ARHGAP32: variants seen among roughly 807,000 people sequenced by gnomAD.
The protein encoded by ARHGAP32 is rho GTPase-activating protein 32.
ARHGAP32 carries 51 observed loss-of-function variants against 186.5 expected under a neutral mutation model. The ratio of observed to expected loss-of-function variants is 0.27; its 90% CI spans 0.22 to 0.35. ARHGAP32 has a LOEUF of 0.35. Ranked by LOEUF, ARHGAP32 falls within the 10% of genes least tolerant of loss-of-function variation. The probability of loss-of-function intolerance (pLI) is 1.00; values close to 1 mark genes in which losing one functional copy is unlikely to be tolerated. For missense variants in ARHGAP32, 2,186 were observed against 2,623.5 expected (o/e 0.83, Z 3.64); for synonymous variants, 950 against 964.3 (o/e 0.99, Z 0.27).
chr11:129,173,312 T>C (rs562287410), intron 1 of ARHGAP32, among the ~76,000 whole-genome samples: 25 of 143,104 alleles, frequency 1.7e-4, no homozygotes, highest in African/African-American at 6.6e-4. Context: ...ATTGAGGCAG[T>C]AATTAATAGA....
chr11:129,220,744 T>G (rs144923267), intron 1 of ARHGAP32, among the ~76,000 whole-genome samples: 45 of 152,338 alleles, frequency 3.0e-4, no homozygotes, highest in Non-Finnish European at 5.9e-4. Context: ...TAAGAACTTG[T>G]AGGTGATTCT....
intron 11 of ARHGAP32, among the ~76,000 whole-genome samples, chr11:129,023,626 C>CA (rs1938697554): frequency 6.6e-6 from 1 of 152,090 alleles, no homozygotes; most frequent in Non-Finnish European, 1.5e-5. Context: ...CGACTGGGAA[C>CA]ATCTGTGTTG....
At chr11:129,102,753 T>C (rs1334558661) in intron 5 of ARHGAP32, among the ~76,000 whole-genome samples, 2 of 152,130 alleles carry the variant, frequency 1.3e-5, no homozygotes, top group African/African-American at 4.8e-5. Context: ...CCCTTGTACA[T>C]TGTTGGTGGT....
intron 1 of ARHGAP32, among the ~76,000 whole-genome samples, chr11:129,249,438 A>G (rs1348306809): frequency 6.6e-6 from 1 of 152,216 alleles, no homozygotes; most frequent in Non-Finnish European, 1.5e-5. Context: ...TGGTATTAAT[A>G]CTGAGATTTT....
At chr11:129,127,314 A>G (rs1942685537) in intron 2 of ARHGAP32, among the ~76,000 whole-genome samples, 1 of 152,224 alleles carries the variant, frequency 6.6e-6, no homozygotes, top group Admixed American at 6.5e-5. Flanking sequence ...GCCTAAAAAG[A>G]CAAAATGATA....
In ARHGAP32 at chr11:128,974,521, A is replaced by G. The variant is rs141815290; in HGVS notation, c.2676T>C (p.Ser892=). The part of the protein sequence containing the change: ...LDLSPTEDKS[S]KPSSFTEKVV... The stretch of plus-strand genomic sequence containing the variant: ...CCTTTTCAGTAAAGGAGGATGGCTT[A>G]GATGATTTATCTTCAGTTGGGCTCA... The change falls in exon 21 of 23, where the codon TCT becomes TCC. Residue 892 remains serine, a synonymous_variant. Coordinates refer to ENST00000682385, the MANE Select transcript of ARHGAP32 (RefSeq NM_001378024.1). 2.3e-5 allele frequency: 37 copies of G among 1,614,084 alleles called. No individual in the cohort carries two copies. The African/African-American group carries it at 4.5e-4, about 20-fold the overall frequency.
intron 2 of ARHGAP32, among the ~76,000 whole-genome samples, chr11:129,152,298 T>C (rs894742801): frequency 4.6e-5 from 7 of 152,066 alleles, no homozygotes. Flanking sequence ...CTGAATTCTA[T>C]AAGACACTGA....
chr11:129,082,249 A>C (rs988516582), intron 6 of ARHGAP32, among the ~76,000 whole-genome samples: 8 of 152,092 alleles, frequency 5.3e-5, no homozygotes, highest in Admixed American at 1.3e-4. Context: ...AACTAGAAAA[A>C]ACAATCCTAA....
At chr11:129,117,558 C>A (rs1942402703) in intron 5 of ARHGAP32, among the ~76,000 whole-genome samples, 1 of 151,872 alleles carries the variant, frequency 6.6e-6, no homozygotes, top group Non-Finnish European at 1.5e-5. Context: ...ATTTTCAAGT[C>A]CCTTGCAGGC....
chr11:129,033,194 T>A (rs540169157), intron 11 of ARHGAP32, among the ~76,000 whole-genome samples: 9 of 152,238 alleles, frequency 5.9e-5, no homozygotes, highest in Non-Finnish European at 1.3e-4. Flanking sequence ...CACCCATAAG[T>A]TTTGCCAGTT....
Position 128,969,020 on chromosome 11 carries a change from G to A in ARHGAP32, c.6193C>T (p.Pro2065Ser). ...GGGGMGTYVP[P>S]GFPHPQSRTY... is the part of the protein sequence containing the mutation. The stretch of plus-strand genomic sequence containing the variant: ...CTGCTCTGTGGATGGGGAAAGCCAG[G>A]GGGCACATACGTCCCCATGCCGCCC... Residue 2065 changes from proline (P) to serine (S), a missense_variant, in exon 23 of 23, where the codon CCT becomes TCT. Around this residue, in one of 5 missense-constraint regions of ARHGAP32, gnomAD observed 1,502 missense variants for 1,570.0 expected, o/e 0.96. Transcript: ENST00000682385. This position sits in a 1 kb window ranked among gnomAD's most constrained non-coding sequence, Gnocchi z 4.8. The A allele has an allele frequency of 6.2e-7, 1 of 1,611,172 alleles. No homozygotes were observed.
In ARHGAP32 at chr11:128,967,193, CATT is replaced by C. The variant is rs980787514; in HGVS notation, c.*1711_*1713del. 4.6e-5 allele frequency: 7 copies of C among 152,130 alleles called. No individual in the cohort carries two copies. Among genetic ancestry groups the C allele is most frequent in the Admixed American group, 6.6e-5 (1 of 15,266 alleles). 9.4% of individuals were successfully genotyped at this position (152,130 alleles called of 1,614,324 possible). A position where few individuals can be genotyped will look rare whatever the true frequency, so the allele number is the denominator to read the frequency against. ...TCTAAATATAAACCCTTAAAATGCA[CATT>C]ATTTTTTAAAATAAAAACTGGCATG... On this transcript the variant is annotated 3_prime_UTR_variant, in exon 23 of 23. Transcript: ENST00000682385.
At chr11:129,107,902 T>G (rs957800814) in intron 5 of ARHGAP32, among the ~76,000 whole-genome samples, 2 of 151,030 alleles carry the variant, frequency 1.3e-5, no homozygotes, top group African/African-American at 4.9e-5. Context: ...GTAGAGCTTT[T>G]GTATAGAATT....
chr11:129,268,354 T>C (rs376926424), intron 1 of ARHGAP32, among the ~76,000 whole-genome samples: 2 of 152,184 alleles, frequency 1.3e-5, no homozygotes, highest in Non-Finnish European at 2.9e-5. Context: ...TAGAATGAGA[T>C]ACATTTCCTA....
intron 1 of ARHGAP32, among the ~76,000 whole-genome samples, chr11:129,165,474 C>T (rs1943617031): frequency 6.6e-6 from 1 of 150,616 alleles, no homozygotes; most frequent in South Asian, 2.2e-4. Context: ...TTGACAGAAT[C>T]AGAAGTACGA....
In ARHGAP32 at chr11:129,052,057, T is replaced by C. The variant is rs560709907; in HGVS notation, c.963+10223A>G. On this transcript the variant is annotated intron_variant, in intron 10 of 22. Coordinates refer to ENST00000682385, the MANE Select transcript of ARHGAP32 (RefSeq NM_001378024.1). ...TCTTGAAGTTTTATAGTTTATACTT[T>C]ATAAACATTTAGGTATATTATCTAT... is the stretch of plus-strand genomic sequence containing the variant. Among the ~76,000 whole-genome samples, 12 of 151,878 alleles carry C rather than the reference T, an allele frequency of 7.9e-5. No individual in the cohort carries two copies. In the South Asian group the frequency reaches 1.9e-3, roughly 24 times the overall value.
At chr11:129,020,780 C>G (rs1020633423) in intron 11 of ARHGAP32, among the ~76,000 whole-genome samples, 1 of 151,856 alleles carries the variant, frequency 6.6e-6, no homozygotes, top group African/African-American at 2.4e-5. Context: ...AAGTATATGT[C>G]AAAAATTTTT....
At chr11:129,154,189 T>C (rs1307122737) in intron 2 of ARHGAP32, among the ~76,000 whole-genome samples, 2 of 152,138 alleles carry the variant, frequency 1.3e-5, no homozygotes, top group Non-Finnish European at 2.9e-5. Flanking sequence ...GATAACTTCT[T>C]ACTTCTGCAG....
At chr11:129,026,085 C>T (rs185842214) in intron 11 of ARHGAP32, among the ~76,000 whole-genome samples, 6 of 151,998 alleles carry the variant, frequency 3.9e-5, no homozygotes, top group African/African-American at 1.4e-4. Context: ...TATAAAAATA[C>T]ATGGTAAGAA....
Sources: gnomAD v4.1 joint callset for allele counts (sites outside exome capture counted in the v4.1 genomes callset) on GRCh38, gnomAD v4.1.1 for gene constraint, gnomAD v4.1.1 regional missense constraint, Gnocchi (gnomAD v3.1) non-coding constraint, MANE v1.5 for transcripts, NCBI Gene and HGNC (gene_info 2026-07-23, HGNC 2026-07-21) for gene names.